Variants in REEP3 observed in about 807,000 individuals in gnomAD.
The protein encoded by REEP3 is receptor expression-enhancing protein 3.
Under a neutral mutation model 41.3 loss-of-function variants are expected in REEP3, and 20 were observed. That is an observed-to-expected ratio of 0.48 (90% CI 0.34 to 0.70). The LOEUF is 0.70. REEP3 is among the 30% of genes least tolerant of loss of function. The pLI, the probability that REEP3 is intolerant of heterozygous loss-of-function variation, is 0.01. For missense variants in REEP3, 271 were observed against 308.8 expected (o/e 0.88, Z 0.92); for synonymous variants, 104 against 101.8 (o/e 1.02, Z -0.13).
chr10:63,581,479 G>A (rs1419870514), intron 2 of REEP3, among the ~76,000 whole-genome samples: 2 of 152,116 alleles, frequency 1.3e-5, no homozygotes, highest in South Asian at 2.1e-4. Context: ...GGCAACTCAC[G>A]CCTGTAATCC....
intron 1 of REEP3, 52 bp downstream of exon 1, chr10:63,521,629 TG>T: frequency 7.6e-7 from 1 of 1,313,458 alleles, no homozygotes; most frequent in Non-Finnish European, 1.0e-6. Context: ...AGGGGAGCTG[TG>T]GGAAGGGGAA....
intron 2 of REEP3, among the ~76,000 whole-genome samples, chr10:63,585,206 G>A (rs542395910): frequency 1.3e-5 from 2 of 152,236 alleles, no homozygotes; most frequent in South Asian, 2.1e-4. Context: ...CCAGGCACAG[G>A]GTGCTAGGTA....
intron 1 of REEP3, among the ~76,000 whole-genome samples, chr10:63,536,717 G>A (rs940782552): frequency 2.0e-5 from 3 of 152,068 alleles, no homozygotes; most frequent in Admixed American, 6.6e-5. Flanking sequence ...GTATCTCATA[G>A]AAGAGGAAAC....
rs1383411623 is a variant in REEP3 at position 63,566,319 on chromosome 10, T to A, written c.33-19T>A. The A allele has an allele frequency of 6.9e-7, 1 of 1,444,746 alleles. No homozygotes were observed. The highest frequency in any genetic ancestry group is 2.0e-5 in the Admixed American group (1 of 50,272). The allele number at this position is 1,444,746 out of a possible 1,614,324, so 89.5% of individuals were successfully genotyped here. A position where few individuals can be genotyped will look rare whatever the true frequency, so the allele number is the denominator to read the frequency against. Reference sequence around the variant, plus strand: ...ACATTGTTGTGTTTGAACAGTATTCTCATTTTTTTTACTTTTAGGCTGGTG... The same window carrying A: ...ACATTGTTGTGTTTGAACAGTATTCACATTTTTTTTACTTTTAGGCTGGTG... On this transcript the variant is annotated intron_variant, in intron 1 of 7. Transcript: ENST00000373758.
At chr10:63,568,289 C>T (rs1390195049) in intron 2 of REEP3, among the ~76,000 whole-genome samples, 22 of 144,740 alleles carry the variant, frequency 1.5e-4, no homozygotes, top group Non-Finnish European at 1.4e-4. Flanking sequence ...TTTTTTGAGA[C>T]GGAGTCTTGC....
intron 2 of REEP3, among the ~76,000 whole-genome samples, chr10:63,572,948 G>A (rs1024918633): frequency 6.6e-6 from 1 of 152,178 alleles, no homozygotes; most frequent in African/African-American, 2.4e-5. Context: ...TGATTCTGCT[G>A]GGTTAGGGAG....
intron 2 of REEP3, among the ~76,000 whole-genome samples, chr10:63,576,884 A>G (rs576848919): frequency 2.6e-5 from 4 of 152,308 alleles, no homozygotes; most frequent in Admixed American, 2.6e-4. Context: ...GCCCTATAGT[A>G]GGGCTTCACC....
chr10:63,586,996 T>C, intron 2 of REEP3, among the ~76,000 whole-genome samples: 1 of 152,128 alleles, frequency 6.6e-6, no homozygotes. Context: ...TTTTTTTTTT[T>C]TTGCATTTTA....
rs149891807 is a variant in REEP3 at position 63,587,508 on chromosome 10, C to G, written c.106-7270C>G. ...TCTTATACTGCGGTAGGCTAAGCCG[C>G]TATGATCATAGTATGTAACAATAAT... is the stretch of plus-strand genomic sequence containing the variant. On this transcript the variant is annotated intron_variant, in intron 2 of 7. Transcript: ENST00000373758. Among the ~76,000 whole-genome samples the G allele has an allele frequency of 3.3e-5, 5 of 152,328 alleles. No homozygotes were observed. In the East Asian group the frequency reaches 9.6e-4, roughly 29 times the overall value.
In REEP3 at chr10:63,521,566, C is replaced by T; in HGVS notation, c.21C>T (p.Ser7=). The T allele has an allele frequency of 7.0e-7, 1 of 1,434,102 alleles. No homozygotes were observed. The highest frequency in any genetic ancestry group is 9.2e-7 in the Non-Finnish European group (1 of 1,082,954). 88.8% of individuals were successfully genotyped at this position (1,434,102 alleles called of 1,614,324 possible). ...TGAAGATGGTGTCCTGGATGATCTC[C>T]AGAGCCGTGGTGTAAGTGCCTCTCA... MVSWMI[S]RAVVLVFGML... is the part of the protein sequence containing the mutation. The change falls in exon 1 of 8, where the codon TCC becomes TCT. Residue 7 remains serine (S), a synonymous_variant. Coordinates refer to ENST00000373758, the MANE Select transcript of REEP3 (RefSeq NM_001001330.3).
intron 2 of REEP3, among the ~76,000 whole-genome samples, chr10:63,588,428 T>C (rs1420798366): frequency 2.1e-5 from 3 of 141,942 alleles, no homozygotes; most frequent in Non-Finnish European, 4.7e-5. Flanking sequence ...TCATGCTATT[T>C]TTTATTCCTT....
chr10:63,530,447 A>G (rs1955409892), intron 1 of REEP3, among the ~76,000 whole-genome samples: 1 of 152,054 alleles, frequency 6.6e-6, no homozygotes, highest in Non-Finnish European at 1.5e-5. Flanking sequence ...GTAAATAGGA[A>G]CAATGATGTT....
In REEP3 at chr10:63,597,917, A is replaced by G. The variant is rs533186052; in HGVS notation, c.183-107A>G. 6 of 1,039,346 alleles carry G rather than the reference A, an allele frequency of 5.8e-6. No homozygotes were observed. In the South Asian group the frequency reaches 7.0e-5, roughly 12 times the overall value. 64.4% of individuals were successfully genotyped at this position (1,039,346 alleles called of 1,614,324 possible). On this transcript the variant is annotated intron_variant, in intron 3 of 7. Transcript: ENST00000373758. ...AGCAAAACTCCATCTCAAAAAAAAA[A>G]AAACAAAAAACAGCATAGTGACTGA... is the stretch of plus-strand genomic sequence containing the variant.
intron 6 of REEP3, among the ~76,000 whole-genome samples, chr10:63,619,383 C>A (rs1291388839): frequency 1.3e-5 from 2 of 151,782 alleles, no homozygotes; most frequent in Non-Finnish European, 2.9e-5. Context: ...GTTACCTACT[C>A]AAAAATAAAT....
At chr10:63,588,930 G>A (rs565764866) in intron 2 of REEP3, among the ~76,000 whole-genome samples, 7 of 152,280 alleles carry the variant, frequency 4.6e-5, no homozygotes, top group East Asian at 1.9e-4. Context: ...AAAAGGCCTC[G>A]AGGCAGGAGC....
At chr10:63,605,969 A>C (rs1956221641) in intron 5 of REEP3, 1 of 213,728 alleles carries the variant, frequency 4.7e-6, no homozygotes, top group Non-Finnish European at 8.0e-6. Context: ...CTGAGAATTT[A>C]GTGCCAGCTG....
chr10:63,525,021 A>G (rs1282522017), intron 1 of REEP3, among the ~76,000 whole-genome samples: 1 of 152,186 alleles, frequency 6.6e-6, no homozygotes, highest in African/African-American at 2.4e-5. Flanking sequence ...CAAAAAAAAA[A>G]AAAAGACTGT....
intron 6 of REEP3, among the ~76,000 whole-genome samples, chr10:63,610,944 C>T (rs185196701): frequency 2.6e-5 from 4 of 152,232 alleles, no homozygotes; most frequent in East Asian, 3.9e-4. Flanking sequence ...TGGTGGCACA[C>T]GCCTGTAATC....
intron 5 of REEP3, among the ~76,000 whole-genome samples, chr10:63,603,262 G>A (rs112132404): frequency 0.018 from 2,377 of 129,758 alleles, 30 homozygotes; most frequent in Non-Finnish European, 0.026. Flanking sequence ...GCAGTGAGCC[G>A]AGATCGCGCC....
Sources: gnomAD v4.1 joint callset for allele counts (sites outside exome capture counted in the v4.1 genomes callset) on GRCh38, gnomAD v4.1.1 for gene constraint, MANE v1.5 for transcripts, NCBI Gene and HGNC (gene_info 2026-07-23, HGNC 2026-07-21) for gene names.